The following PCSK7 variants were observed in gnomAD, a reference collection of about 807,000 sequenced individuals.
PCSK7 encodes proprotein convertase subtilisin/kexin type 7.
PCSK7 carries 38 observed loss-of-function variants against 73.3 expected under a neutral mutation model. That is an observed-to-expected ratio of 0.52 (90% CI 0.40 to 0.68). The LOEUF (loss-of-function observed/expected upper bound fraction) is 0.68. PCSK7 is among the 30% of genes least tolerant of loss of function. The probability of loss-of-function intolerance (pLI) is 0.00; values close to 1 mark genes in which losing one functional copy is unlikely to be tolerated. For missense variants in PCSK7, 692 were observed against 991.5 expected (o/e 0.70, Z 4.06); for synonymous variants, 296 against 383.8 (o/e 0.77, Z 2.68).
intron 3 of PCSK7, 111 bp downstream of exon 3, chr11:117,229,266 T>C (rs1448942318): frequency 2.4e-6 from 2 of 835,812 alleles, no homozygotes; most frequent in Non-Finnish European, 3.8e-6. Flanking sequence ...CGGGAAATGG[T>C]CCCTCAGGCA....
Position 117,205,105 on chromosome 11 carries a change from G to A in PCSK7, c.*892C>T. On this transcript the variant is annotated 3_prime_UTR_variant, in exon 17 of 17. Coordinates refer to ENST00000320934, the MANE Select transcript of PCSK7 (RefSeq NM_004716.4). Reference sequence around the variant, plus strand: ...AAGGTTTTTATTTTGGAAAAGCTGTGCAGAAAAAAATTCAAGAAAATGTTG... The same window carrying A: ...AAGGTTTTTATTTTGGAAAAGCTGTACAGAAAAAAATTCAAGAAAATGTTG... The A allele has an allele frequency of 4.4e-6, 1 of 228,466 alleles. No individual in the cohort carries two copies. Among genetic ancestry groups the A allele is most frequent in the Non-Finnish European group, 8.7e-6 (1 of 114,806 alleles). 14.2% of individuals were successfully genotyped at this position (228,466 alleles called of 1,614,324 possible). A position where few individuals can be genotyped will look rare whatever the true frequency, so the allele number is the denominator to read the frequency against.
In PCSK7 at chr11:117,227,640, A is replaced by G. The variant is rs1456424488; in HGVS notation, c.604-318T>C. Among the ~76,000 whole-genome samples the G allele has an allele frequency of 2.0e-5, 3 of 152,112 alleles. No individual in the cohort carries two copies. The East Asian group carries it at 5.8e-4, about 29-fold the overall frequency. ...GTATTTTTAGTAGAGACGGGGTTTC[A>G]CCATCTTGGCCAGGCTGGTCTCAAA... On this transcript the variant is annotated intron_variant, in intron 4 of 16. Transcript: ENST00000320934.
At chr11:117,217,366 CA>C (rs1339633702) in intron 12 of PCSK7, 1 of 152,150 alleles carries the variant, frequency 6.6e-6, no homozygotes, top group Non-Finnish European at 1.5e-5. Context: ...AGTGCAAAGC[CA>C]GGGGCTTCCA....
At position 117,228,206 on chromosome 11, in the gene PCSK7, G is replaced by A. The variant is rs775805447; in HGVS notation, c.603+10C>T. 1.2e-6 allele frequency: 2 copies of A among 1,612,748 alleles called. No homozygotes were observed. The highest frequency in any genetic ancestry group is 2.2e-5 in the South Asian group (2 of 90,818). On this transcript the variant is annotated intron_variant, in intron 4 of 16. Transcript: ENST00000320934. ...TGGGGAGTGAGGGGTGTCGTTCCAG[G>A]GCCACTCACATAGTTGGGTGCAATG...
Position 117,204,693 on chromosome 11 carries a change from C to A in PCSK7, c.*1304G>T. ...CCACTGTCCTCCTTGGCGGCAAAAG[C>A]CCATTGAAGAAGAACCAGCCCAGCC... On this transcript the variant is annotated 3_prime_UTR_variant, in exon 17 of 17. Transcript: ENST00000320934. 2.5e-6 allele frequency: 1 copy of A among 406,722 alleles called. No individual in the cohort carries two copies. The highest frequency in any genetic ancestry group is 4.6e-6 in the Non-Finnish European group (1 of 215,616). 25.2% of individuals were successfully genotyped at this position (406,722 alleles called of 1,614,324 possible). A position where few individuals can be genotyped will look rare whatever the true frequency, so the allele number is the denominator to read the frequency against.
Position 117,205,064 on chromosome 11 carries a change from T to C in PCSK7, c.*933A>G. On this transcript the variant is annotated 3_prime_UTR_variant, in exon 17 of 17. Transcript: ENST00000320934. ...GACAGAGGAAAGGAGAGATTGCGAG[T>C]GGCAGAATTGTTTGGAAGGTTTTTA... 4.6e-6 allele frequency: 1 copy of C among 217,630 alleles called. No homozygotes were observed. Among genetic ancestry groups the C allele is most frequent in the Non-Finnish European group, 9.3e-6 (1 of 107,998 alleles). The allele number at this position is 217,630 out of a possible 1,614,324, so 13.5% of individuals were successfully genotyped here.
rs555989343 is a variant in PCSK7 at position 117,227,069 on chromosome 11, A to T, written c.769+88T>A. 3 of 1,073,350 alleles carry T rather than the reference A, an allele frequency of 2.8e-6. No individual in the cohort carries two copies. In the South Asian group the frequency reaches 4.5e-5, roughly 16 times the overall value. The allele number at this position is 1,073,350 out of a possible 1,614,324, so 66.5% of individuals were successfully genotyped here. On this transcript the variant is annotated intron_variant, in intron 5 of 16. Coordinates refer to ENST00000320934, the MANE Select transcript of PCSK7 (RefSeq NM_004716.4). Reference sequence around the variant, plus strand: ...GTGTGTCAGCTGGGCTATGGGATAAAGATGTTTCAGAGTAGGGAGGGGTGC... The same window carrying T: ...GTGTGTCAGCTGGGCTATGGGATAATGATGTTTCAGAGTAGGGAGGGGTGC...
Position 117,205,397 on chromosome 11 carries a change from C to G in PCSK7, c.*600G>C, listed in dbSNP as rs762380701. ...CCTGCCGCAGGATTCCCTAGTGAAG[C>G]AGCTCAGGCCTGGGGGAGCCGTGTG... On this transcript the variant is annotated 3_prime_UTR_variant, in exon 17 of 17. Transcript: ENST00000320934. 4.3e-6 allele frequency: 1 copy of G among 233,402 alleles called. No individual in the cohort carries two copies. The highest frequency in any genetic ancestry group is 6.0e-5 in the East Asian group (1 of 16,564). 14.5% of individuals were successfully genotyped at this position (233,402 alleles called of 1,614,324 possible).
rs374854628 is a variant in PCSK7 at position 117,224,106 on chromosome 11, G to A, written c.1026C>T (p.Tyr342=). The change falls in exon 8 of 17, where the codon TAC becomes TAT. Residue 342 remains tyrosine, a synonymous_variant. Transcript: ENST00000320934. ...QHNDNCNYDG[Y]ANSIYTVTIG... The stretch of plus-strand genomic sequence containing the variant: ...TGGTGACGGTGTAGATGGAGTTGGC[G>A]TAGCCATCGTAGTTGCAGTTGTCGT... The A allele has an allele frequency of 7.2e-5, 116 of 1,609,196 alleles. No homozygotes were observed. Among genetic ancestry groups the A allele is most frequent in the Admixed American group, 2.9e-4 (17 of 59,522 alleles).
Position 117,205,788 on chromosome 11 carries a change from C to G in PCSK7, c.*209G>C. 2.2e-6 allele frequency: 1 copy of G among 449,492 alleles called. No individual in the cohort carries two copies. The highest frequency in any genetic ancestry group is 3.8e-5 in the Admixed American group (1 of 25,988). The allele number at this position is 449,492 out of a possible 1,614,324, so 27.8% of individuals were successfully genotyped here. On this transcript the variant is annotated 3_prime_UTR_variant, in exon 17 of 17. Transcript: ENST00000320934. ...GTCCAACACCTTCTCACCAAAAGCTCCCGTTTGGCTGGAGGCAGACCCTGT... is the reference window on the plus strand; with the variant it reads ...GTCCAACACCTTCTCACCAAAAGCTGCCGTTTGGCTGGAGGCAGACCCTGT...
rs887904180 is a variant in PCSK7, at chr11:117,229,602, T to C, written c.243A>G (p.Ala81=). Reference sequence around the variant, plus strand: ...CGATGCGTCCAGCATTCACCAGCCCTGCTGCCTGGGCCAAGGCATCCGCCT... The same window carrying C: ...CGATGCGTCCAGCATTCACCAGCCCCGCTGCCTGGGCCAAGGCATCCGCCT... ...EQQADALAQA[A]GLVNAGRIGE... is the part of the protein sequence containing the mutation. The change falls in exon 3 of 17, where the codon GCA becomes GCG. Residue 81 remains alanine, a synonymous_variant. Transcript: ENST00000320934. The C allele has an allele frequency of 1.2e-6, 2 of 1,614,028 alleles. No homozygotes were observed. Among genetic ancestry groups the C allele is most frequent in the Non-Finnish European group, 1.7e-6 (2 of 1,180,022 alleles).
In PCSK7 at chr11:117,225,586, G is replaced by A. The variant is rs12282205; in HGVS notation, c.860+345C>T. 1,634 of 312,616 alleles carry A rather than the reference G, an allele frequency of 5.2e-3. 30 individuals carry two copies. The highest frequency in any genetic ancestry group is 0.031 in the African/African-American group (1,513 of 48,160). The allele number at this position is 312,616 out of a possible 1,614,324, so 19.4% of individuals were successfully genotyped here. ...TCCAGCACAGCCATGCCCTGAAGGT[G>A]CAGTGCATTGGCGTGGGGTGGGGGA... On this transcript the variant is annotated intron_variant, in intron 6 of 16. Transcript: ENST00000320934.
chr11:117,218,773 A>T lies in PCSK7; in HGVS notation c.1432-205T>A, dbSNP rs1348603503. On this transcript the variant is annotated intron_variant, in intron 11 of 16. Transcript: ENST00000320934. The surrounding 1 kb of genome is among the most constrained non-coding windows in gnomAD (Gnocchi z 4.0). The stretch of plus-strand genomic sequence containing the variant: ...GCCCCCAGCTAAGGAACCAGAGGAA[A>T]CAGCTGTGTCCAGGGTGGAGGAGGG... 3 of 566,770 alleles carry T rather than the reference A, an allele frequency of 5.3e-6. No homozygotes were observed. In the African/African-American group the frequency reaches 5.6e-5, roughly 11 times the overall value. The allele number at this position is 566,770 out of a possible 1,614,324, so 35.1% of individuals were successfully genotyped here.
At chr11:117,227,094 C>G in intron 5 of PCSK7, 63 bp downstream of exon 5, 1 of 1,311,900 alleles carries the variant, frequency 7.6e-7, no homozygotes, top group Non-Finnish European at 1.1e-6. Context: ...GGGAGGGGTG[C>G]AGGAAATGAA....
Position 117,205,682 on chromosome 11 carries a change from A to T in PCSK7, c.*315T>A, listed in dbSNP as rs553126836. 1 of 294,704 alleles carries T rather than the reference A, an allele frequency of 3.4e-6. No individual in the cohort carries two copies. Among genetic ancestry groups the T allele is most frequent in the Admixed American group, 5.0e-5 (1 of 20,038 alleles). The allele number at this position is 294,704 out of a possible 1,614,324, so 18.3% of individuals were successfully genotyped here. A position where few individuals can be genotyped will look rare whatever the true frequency, so the allele number is the denominator to read the frequency against. On this transcript the variant is annotated 3_prime_UTR_variant, in exon 17 of 17. Coordinates refer to ENST00000320934, the MANE Select transcript of PCSK7 (RefSeq NM_004716.4). ...ACTTATATGTGGGAAGGGGTCCCCCATGCTTGGGGGACCTAGGCAGCTGGC... is the reference window on the plus strand; with the variant it reads ...ACTTATATGTGGGAAGGGGTCCCCCTTGCTTGGGGGACCTAGGCAGCTGGC...
chr11:117,213,481 G>A (rs1321767942), intron 12 of PCSK7: 5 of 152,066 alleles, frequency 3.3e-5, no homozygotes, highest in Admixed American at 6.6e-5. Flanking sequence ...CTAAAATTTT[G>A]TACATGTTAA....
In PCSK7 at chr11:117,229,800, C is replaced by T. The variant is rs933642693; in HGVS notation, c.45G>A (p.Leu15=). Residue 15 remains leucine, a synonymous_variant, in exon 3 of 17, where the codon CTG becomes CTA. Transcript: ENST00000320934. ...CCAGCCAGAGGCAGGTGGGCAGGCC[C>T]AGGGGGGCATCCAAGTGTGGCACTT... The part of the protein sequence containing the change: ...RQKVPHLDAP[L]GLPTCLWLEL... 1.0e-5 allele frequency: 16 copies of T among 1,599,620 alleles called. No individual in the cohort carries two copies. Among genetic ancestry groups the T allele is most frequent in the Non-Finnish European group, 1.3e-5 (15 of 1,172,264 alleles).
Position 117,205,160 on chromosome 11 carries a change from A to G in PCSK7, c.*837T>C. The G allele has an allele frequency of 4.3e-6, 1 of 232,974 alleles. No homozygotes were observed. The highest frequency in any genetic ancestry group is 8.5e-6 in the Non-Finnish European group (1 of 117,588). The allele number at this position is 232,974 out of a possible 1,614,324, so 14.4% of individuals were successfully genotyped here. A position where few individuals can be genotyped will look rare whatever the true frequency, so the allele number is the denominator to read the frequency against. On this transcript the variant is annotated 3_prime_UTR_variant, in exon 17 of 17. Transcript: ENST00000320934. ...GAAAAGAGAAAAACAAATCTTAAGC[A>G]TTAAAAAAAATTCAACCAACTAGCT...
At position 117,229,698 on chromosome 11, in the gene PCSK7, T is replaced by A. The variant is rs2032569182; in HGVS notation, c.147A>T (p.Thr49=). The A allele has an allele frequency of 1.9e-6, 3 of 1,613,808 alleles. No homozygotes were observed. In the Admixed American group the frequency reaches 5.0e-5, roughly 27 times the overall value. ...AGTGGPDGQG[T]GGPSWAVHLE... ...GGTGCACAGCCCAGCTCGGCCCCCC[T>A]GTGCCCTGGCCATCAGGCCCACCTG... Residue 49 remains threonine (T), a synonymous_variant, in exon 3 of 17, where the codon ACA becomes ACT. Coordinates refer to ENST00000320934, the MANE Select transcript of PCSK7 (RefSeq NM_004716.4).
Sources: allele counts gnomAD v4.1 joint callset (sites outside exome capture counted in the v4.1 genomes callset), GRCh38; gene constraint gnomAD v4.1.1; non-coding constraint Gnocchi (gnomAD v3.1); transcripts MANE v1.5; gene names NCBI Gene and HGNC (gene_info 2026-07-23, HGNC 2026-07-21).